Variants in TAFA2 observed in about 807,000 individuals in gnomAD.
TAFA2 encodes TAFA chemokine like family member 2.
Under a neutral mutation model 18.8 loss-of-function variants are expected in TAFA2, and 7 were observed. That is an observed-to-expected ratio of 0.37 (90% confidence interval 0.21 to 0.70). The LOEUF is 0.70. TAFA2 is among the 30% of genes least tolerant of loss of function. The pLI is 0.53. For synonymous variants in TAFA2, 60 were observed against 54.2 expected (o/e 1.11, Z -0.47); for missense variants, 122 against 158.1 (o/e 0.77, Z 1.23).
intron 1 of TAFA2, among the ~76,000 whole-genome samples, chr12:62,227,052 G>A (rs1353225629): frequency 6.6e-6 from 1 of 152,196 alleles, no homozygotes; most frequent in Non-Finnish European, 1.5e-5. Context: ...CCTTCAGCCT[G>A]AAGCCTAGAC....
chr12:62,256,146 G>A (rs1247611691), intron 1 of TAFA2, among the ~76,000 whole-genome samples: 3 of 151,978 alleles, frequency 2.0e-5, no homozygotes, highest in South Asian at 4.2e-4. Context: ...ACAGGTGCCT[G>A]TAATCCCAGC....
chr12:62,059,157 G>GTGTGTGTGTGTGTGTGTGTGTGTGTA, intron 1 of TAFA2, among the ~76,000 whole-genome samples: 1 of 150,486 alleles, frequency 6.6e-6, no homozygotes, highest in South Asian at 2.1e-4. Flanking sequence ...GTGTGTGTGT[G>GTGTGTGTGTGTGTGTGTGTGTGTGTA]TGTGTGTGTG....
intron 2 of TAFA2, among the ~76,000 whole-genome samples, chr12:61,818,490 T>TACACACACACACAC (rs3034071): frequency 2.2e-4 from 31 of 140,798 alleles, no homozygotes; most frequent in Middle Eastern, 3.5e-3. Context: ...CTCAAAAAAA[T>TACACACACACACAC]ACACACACAC....
At chr12:61,967,173 A>G (rs1306754082) in intron 1 of TAFA2, among the ~76,000 whole-genome samples, 1 of 151,840 alleles carries the variant, frequency 6.6e-6, no homozygotes, top group East Asian at 1.9e-4. Context: ...CTATGTGCAT[A>G]TTCTTTGCCT....
chr12:62,089,936 C>T (rs1211657587), intron 1 of TAFA2, among the ~76,000 whole-genome samples: 3 of 152,032 alleles, frequency 2.0e-5, no homozygotes, highest in Non-Finnish European at 2.9e-5. Context: ...TCCATCAAAT[C>T]GCATTCATTA....
chr12:61,794,781 A>C (rs1192307121), intron 2 of TAFA2, among the ~76,000 whole-genome samples: 1 of 152,162 alleles, frequency 6.6e-6, no homozygotes, highest in African/African-American at 2.4e-5. Context: ...CCACCATCAG[A>C]GTGAACAGGC....
intron 1 of TAFA2, among the ~76,000 whole-genome samples, chr12:62,187,771 GTC>G (rs1268920171): frequency 6.6e-6 from 1 of 152,122 alleles, no homozygotes; most frequent in East Asian, 1.9e-4. Flanking sequence ...TAACTTCTAT[GTC>G]TCTGTTTGCT....
chr12:61,848,487 G>A (rs558588628), intron 2 of TAFA2, among the ~76,000 whole-genome samples: 1 of 152,102 alleles, frequency 6.6e-6, no homozygotes, highest in African/African-American at 2.4e-5. Flanking sequence ...GTGCATGGAA[G>A]TAATTATGGT....
chr12:61,894,981 A>T (rs1875778999), intron 1 of TAFA2, among the ~76,000 whole-genome samples: 2 of 152,130 alleles, frequency 1.3e-5, no homozygotes, highest in Admixed American at 1.3e-4. Flanking sequence ...TATATTTTCC[A>T]CCTTCATTGT....
intron 2 of TAFA2, among the ~76,000 whole-genome samples, chr12:61,768,610 G>A (rs1316083102): frequency 1.3e-5 from 2 of 152,120 alleles, no homozygotes; most frequent in East Asian, 3.9e-4. Flanking sequence ...ACCTGGAGCT[G>A]AGATGAATTT....
intron 1 of TAFA2, among the ~76,000 whole-genome samples, chr12:62,217,966 G>T (rs73133482): frequency 0.13 from 16,883 of 127,264 alleles, 1,021 homozygotes; most frequent in African/African-American, 0.19. Context: ...TTTTATGTAT[G>T]TATTTATTTA....
At chr12:62,019,902 A>G (rs1037573648) in intron 1 of TAFA2, among the ~76,000 whole-genome samples, 1 of 152,164 alleles carries the variant, frequency 6.6e-6, no homozygotes. Context: ...TTAAGTTTCC[A>G]ATTTAATTAT....
chr12:61,777,254 C>A (rs1351665472), intron 2 of TAFA2, among the ~76,000 whole-genome samples: 2 of 151,824 alleles, frequency 1.3e-5, no homozygotes, highest in Non-Finnish European at 2.9e-5. Context: ...TGGCTTTGAG[C>A]AAGGTACTTA....
intron 1 of TAFA2, among the ~76,000 whole-genome samples, chr12:62,025,304 C>T (rs1183896190): frequency 1.3e-5 from 2 of 152,102 alleles, no homozygotes; most frequent in African/African-American, 4.8e-5. Context: ...CTATTGGGTA[C>T]TATGCTCAGT....
chr12:62,010,159 C>T (rs913119730), intron 1 of TAFA2, among the ~76,000 whole-genome samples: 24 of 147,650 alleles, frequency 1.6e-4, no homozygotes, highest in Non-Finnish European at 3.0e-5. Context: ...CCCTCTCCCC[C>T]TCCCCCTCCC....
At chr12:62,184,196 G>A (rs2062569603) in intron 1 of TAFA2, among the ~76,000 whole-genome samples, 1 of 151,976 alleles carries the variant, frequency 6.6e-6, no homozygotes, top group Non-Finnish European at 1.5e-5. Flanking sequence ...TCTTCAACTA[G>A]AAAAGTATAA....
intron 2 of TAFA2, among the ~76,000 whole-genome samples, chr12:61,785,122 C>A (rs747293004): frequency 6.6e-6 from 1 of 151,572 alleles, no homozygotes; most frequent in Non-Finnish European, 1.5e-5. Flanking sequence ...TCCCTCCTGC[C>A]CTTCCCAGAC....
At chr12:61,887,530 C>T (rs1482841581) in intron 1 of TAFA2, among the ~76,000 whole-genome samples, 1 of 150,722 alleles carries the variant, frequency 6.6e-6, no homozygotes, top group East Asian at 2.0e-4. Flanking sequence ...GTGTGCTGCA[C>T]CCACTAACTC....
chr12:61,724,792 T>C (rs1870071859), intron 4 of TAFA2, among the ~76,000 whole-genome samples: 1 of 140,006 alleles, frequency 7.1e-6, no homozygotes, highest in Non-Finnish European at 1.5e-5. Flanking sequence ...TGTGTGTGTG[T>C]GTGTGTGTGT....
Sources: allele counts gnomAD v4.1 joint callset (sites outside exome capture counted in the v4.1 genomes callset), GRCh38; gene constraint gnomAD v4.1.1; transcripts MANE v1.5; gene names NCBI Gene and HGNC (gene_info 2026-07-23, HGNC 2026-07-21).